SDK1: variants seen among roughly 807,000 people sequenced by gnomAD.
The protein encoded by SDK1 is sidekick cell adhesion molecule 1, also known as protein sidekick-1.
In SDK1, 157 loss-of-function variants were observed where a neutral mutation model predicts 245.5. The observed-to-expected ratio is 0.64, with a 90% CI of 0.56 to 0.73. The LOEUF (loss-of-function observed/expected upper bound fraction) is 0.73, where lower values mean the gene tolerates loss of function less well. Ranked by LOEUF, SDK1 falls within the 30% of genes least tolerant of loss-of-function variation. SDK1 has a pLI of 0.00. For missense variants in SDK1, 3,583 were observed against 3,002.3 expected (o/e 1.19, Z -4.52); for synonymous variants, 1,647 against 1,278.5 (o/e 1.29, Z -6.15).
At chr7:3,793,683 C>T (rs1277067309) in intron 4 of SDK1, among the ~76,000 whole-genome samples, 2 of 152,176 alleles carry the variant, frequency 1.3e-5, no homozygotes, top group African/African-American at 4.8e-5. Flanking sequence ...TCCTCTGCCA[C>T]TTACTGAGCT....
intron 1 of SDK1, among the ~76,000 whole-genome samples, chr7:3,582,539 G>A (rs990891134): frequency 2.0e-5 from 3 of 152,076 alleles, no homozygotes; most frequent in Admixed American, 2.0e-4. Context: ...GGAGGGTGGA[G>A]GGTGGGAGGA....
intron 1 of SDK1, among the ~76,000 whole-genome samples, chr7:3,453,913 G>C (rs1780597892): frequency 6.6e-6 from 1 of 152,014 alleles, no homozygotes; most frequent in Non-Finnish European, 1.5e-5. Flanking sequence ...GGCACATTTG[G>C]ATTGACTGTT....
chr7:3,857,028 C>G (rs542999218), intron 5 of SDK1, among the ~76,000 whole-genome samples: 1 of 151,964 alleles, frequency 6.6e-6, no homozygotes, highest in African/African-American at 2.4e-5. Context: ...TAGATTGAAT[C>G]CCCGAAAATG....
chr7:3,770,467 A>C (rs942343967), intron 4 of SDK1, among the ~76,000 whole-genome samples: 1 of 152,224 alleles, frequency 6.6e-6, no homozygotes, highest in Non-Finnish European at 1.5e-5. Flanking sequence ...TAAAAATCTC[A>C]GAGTATAGTT....
chr7:4,158,729 A>C (rs1222773039), intron 31 of SDK1, among the ~76,000 whole-genome samples, 178 bp downstream of exon 31: 1 of 152,214 alleles, frequency 6.6e-6, no homozygotes, highest in Non-Finnish European at 1.5e-5. Context: ...TCATAAATCA[A>C]GGTTTCAAGG....
chr7:3,924,094 T>C, intron 5 of SDK1, among the ~76,000 whole-genome samples: 1 of 138,802 alleles, frequency 7.2e-6, no homozygotes, highest in South Asian at 2.3e-4. Context: ...GAAATTCCTC[T>C]TTTTTTTTTT....
intron 1 of SDK1, among the ~76,000 whole-genome samples, chr7:3,498,538 C>T (rs1364236632): frequency 6.6e-6 from 1 of 152,220 alleles, no homozygotes; most frequent in East Asian, 1.9e-4. Flanking sequence ...ATTTATTTTA[C>T]TAATGATTAC....
rs577172291 is a variant in SDK1, at chr7:4,128,457, T to G, written c.3939+961T>G. On this transcript the variant is annotated intron_variant, in intron 26 of 44. Coordinates refer to ENST00000404826, the MANE Select transcript of SDK1 (RefSeq NM_152744.4). Reference sequence around the variant, plus strand: ...TTCAAACACCTCCCTGCTGATGCTATCCTTTATGGCCTTCCAGGTCCCCGA... The same window carrying G: ...TTCAAACACCTCCCTGCTGATGCTAGCCTTTATGGCCTTCCAGGTCCCCGA... Among the ~76,000 whole-genome samples the G allele has an allele frequency of 3.9e-5, 6 of 152,364 alleles. No individual in the cohort carries two copies. The East Asian group carries it at 1.2e-3, about 29-fold the overall frequency.
intron 15 of SDK1, among the ~76,000 whole-genome samples, chr7:4,011,709 T>G (rs930214302): frequency 6.6e-6 from 1 of 152,240 alleles, no homozygotes; most frequent in Non-Finnish European, 1.5e-5. Context: ...TTTCTTTTTT[T>G]TTCTTCAAAA....
At chr7:4,226,356 C>G (rs1785445873) in intron 40 of SDK1, among the ~76,000 whole-genome samples, 1 of 152,310 alleles carries the variant, frequency 6.6e-6, no homozygotes, top group African/African-American at 2.4e-5. Flanking sequence ...TCTACCTTGC[C>G]CCTGGGAGAC....
At chr7:4,226,692 T>G (rs771173888) in intron 40 of SDK1, among the ~76,000 whole-genome samples, 2 of 152,190 alleles carry the variant, frequency 1.3e-5, no homozygotes, top group Non-Finnish European at 2.9e-5. Flanking sequence ...TGCGTAAGTT[T>G]CCTCCAAATT....
At chr7:3,840,338 A>G (rs1051747623) in intron 5 of SDK1, among the ~76,000 whole-genome samples, 20 of 152,242 alleles carry the variant, frequency 1.3e-4, no homozygotes, top group Admixed American at 3.3e-4. Context: ...AAGACAAAAC[A>G]AAAATCTTTT....
intron 32 of SDK1, among the ~76,000 whole-genome samples, chr7:4,169,411 AGTG>A (rs560947794): frequency 6.6e-6 from 1 of 152,042 alleles, no homozygotes; most frequent in Non-Finnish European, 1.5e-5. Context: ...GCTCCCGTCT[AGTG>A]GGGCTACACC....
intron 5 of SDK1, among the ~76,000 whole-genome samples, chr7:3,927,568 G>A (rs1052118589): frequency 1.3e-5 from 2 of 152,140 alleles, no homozygotes; most frequent in African/African-American, 4.8e-5. Context: ...CAAAGCCTGC[G>A]CTTCTCCCGT....
intron 1 of SDK1, among the ~76,000 whole-genome samples, chr7:3,481,631 T>C (rs979032999): frequency 6.6e-6 from 1 of 152,174 alleles, no homozygotes; most frequent in Admixed American, 6.5e-5. Flanking sequence ...GTGTACAGGG[T>C]TACCTCAGGG....
chr7:3,347,684 T>C (rs1226123258), intron 1 of SDK1, among the ~76,000 whole-genome samples: 1 of 152,166 alleles, frequency 6.6e-6, no homozygotes, highest in Non-Finnish European at 1.5e-5. Flanking sequence ...TTTACAAGTT[T>C]TTTCTCCCCA....
chr7:3,761,073 A>C (rs976853922), intron 4 of SDK1, among the ~76,000 whole-genome samples: 1 of 152,212 alleles, frequency 6.6e-6, no homozygotes, highest in African/African-American at 2.4e-5. Context: ...GGAGTGGGTC[A>C]GATAAGTATG....
intron 1 of SDK1, among the ~76,000 whole-genome samples, chr7:3,575,271 G>C (rs1239447553): frequency 1.3e-5 from 2 of 151,934 alleles, no homozygotes; most frequent in African/African-American, 4.8e-5. Flanking sequence ...GTGGGAAAAG[G>C]GAGACAGCAC....
chr7:3,961,521 A>C (rs1458883542), intron 8 of SDK1, among the ~76,000 whole-genome samples: 2 of 152,234 alleles, frequency 1.3e-5, no homozygotes, highest in African/African-American at 4.8e-5. Flanking sequence ...AGGGAAACTG[A>C]GGTACAGAAC....
Sources: gnomAD v4.1 joint callset for allele counts (sites outside exome capture counted in the v4.1 genomes callset) on GRCh38, gnomAD v4.1.1 for gene constraint, MANE v1.5 for transcripts, NCBI Gene and HGNC (gene_info 2026-07-23, HGNC 2026-07-21) for gene names.